The following NCAM1 variants were observed in gnomAD, a reference collection of about 807,000 sequenced individuals.
NCAM1 encodes the protein neural cell adhesion molecule 1.
A neutral mutation model predicts 109.8 loss-of-function variants in NCAM1; 14 were observed. The ratio of observed to expected loss-of-function variants is 0.13; its 90% confidence interval spans 0.08 to 0.20. The LOEUF (loss-of-function observed/expected upper bound fraction) is 0.20. Among genes scored for constraint, NCAM1 ranks in the 10% least tolerant of loss-of-function variants. NCAM1 has a pLI of 1.00. For synonymous variants in NCAM1, 418 were observed against 442.9 expected, an observed-to-expected ratio of 0.94 and a Z score of 0.70; for missense variants, 774 against 1,109.9, an observed-to-expected ratio of 0.70 and a Z score of 4.30.
At chr11:113,263,475 G>C in intron 17 of NCAM1, 3 of 985,840 alleles carry the variant, frequency 3.0e-6, no homozygotes, top group Non-Finnish European at 3.6e-6. Context: ...TGACATGATG[G>C]GCAACTGAAG....
At chr11:113,130,911 G>A (rs1206786490) in intron 1 of NCAM1, 1 of 152,210 alleles carries the variant, frequency 6.6e-6, no homozygotes, top group Non-Finnish European at 1.5e-5. Context: ...TATTGTTGCA[G>A]TCCTTCGTCG....
Position 113,017,635 on chromosome 11 carries a change from TTG to T in NCAM1, c.52+55995_52+55996del, listed in dbSNP as rs71698389. On this transcript the variant is annotated intron_variant, in intron 1 of 19. Coordinates refer to ENST00000316851, the MANE Select transcript of NCAM1 (RefSeq NM_181351.5). The stretch of plus-strand genomic sequence containing the variant: ...AATAAAGTCAGCCATCAGTACTGTT[TTG>T]TGTGTGTGTGTGTGTGTGTGTGTAT... Among the ~76,000 whole-genome samples, 26 of 145,214 alleles carry T rather than the reference TTG, an allele frequency of 1.8e-4. 1 individual carries two copies. The highest frequency in any genetic ancestry group is 3.8e-4 in the African/African-American group (15 of 39,710).
In NCAM1 at chr11:113,270,405, G is replaced by A; in HGVS notation, c.2339+10G>A. On this transcript the variant is annotated intron_variant, in intron 18 of 19. Coordinates refer to ENST00000316851, the MANE Select transcript of NCAM1 (RefSeq NM_181351.5). ...GCAAGGCCGCCTTCTCGTGAGTGCA[G>A]ACCTGTCCACCTTGCTGAGGTTTGG... 2 of 1,613,784 alleles carry A rather than the reference G, an allele frequency of 1.2e-6. No homozygotes were observed. Among genetic ancestry groups the A allele is most frequent in the East Asian group, 2.2e-5 (1 of 44,870 alleles).
intron 1 of NCAM1, among the ~76,000 whole-genome samples, chr11:113,026,736 C>T (rs1250843904): frequency 6.6e-6 from 1 of 152,110 alleles, no homozygotes; most frequent in African/African-American, 2.4e-5. Context: ...TCTTTAAGAT[C>T]GTAGTAGTAA....
intron 1 of NCAM1, among the ~76,000 whole-genome samples, chr11:113,189,047 T>C (rs1416375799): frequency 6.6e-6 from 1 of 152,154 alleles, no homozygotes; most frequent in African/African-American, 2.4e-5. Context: ...TCCGTAGGCT[T>C]TTCCCTTTCA....
intron 1 of NCAM1, among the ~76,000 whole-genome samples, chr11:113,192,326 C>T (rs1555110032): frequency 6.6e-6 from 1 of 152,184 alleles, no homozygotes; most frequent in African/African-American, 2.4e-5. Flanking sequence ...GAGTTCCAAA[C>T]ATCAATTTGC....
chr11:113,076,123 G>A (rs1325111596), intron 1 of NCAM1, among the ~76,000 whole-genome samples: 1 of 152,180 alleles, frequency 6.6e-6, no homozygotes, highest in East Asian at 1.9e-4. Context: ...TGGGGTTCTG[G>A]CATGGCTAGG....
At chr11:112,996,230 T>C (rs1178071572) in intron 1 of NCAM1, among the ~76,000 whole-genome samples, 1 of 152,216 alleles carries the variant, frequency 6.6e-6, no homozygotes, top group Non-Finnish European at 1.5e-5. Context: ...CATTATTTTA[T>C]ATATGGTTTA....
chr11:113,114,405 G>T lies in NCAM1; in HGVS notation c.53-87974G>T, dbSNP rs141755004. Among the ~76,000 whole-genome samples, 379 of 152,306 alleles carry T rather than the reference G, an allele frequency of 2.5e-3. 2 individuals are homozygous for T. The highest frequency in any genetic ancestry group is 3.0e-3 in the Non-Finnish European group (205 of 68,034). The stretch of plus-strand genomic sequence containing the variant: ...AGCTCTAGAAGATGTTGCTCCTAGG[G>T]CATGGGGCTTCTCTGCCTAAGAAGC... On this transcript the variant is annotated intron_variant, in intron 1 of 19. Transcript: ENST00000316851.
chr11:113,073,544 C>T (rs1439963664), intron 1 of NCAM1, among the ~76,000 whole-genome samples: 1 of 152,124 alleles, frequency 6.6e-6, no homozygotes, highest in African/African-American at 2.4e-5. Flanking sequence ...GCATGGCATT[C>T]GACTTACTGG....
In NCAM1 at chr11:113,132,604, ATGTGTGTGTGTGTGTGTGTG is replaced by A. The variant is rs71060290; in HGVS notation, c.53-69747_53-69728del. On this transcript the variant is annotated intron_variant, in intron 1 of 19. Transcript: ENST00000316851. ...TGGGATCAGGCATATATTAGGAAGCATGTGTGTGTGTGTGTGTGTGTGTGTGTGTGTGTGTGTGTGTGTGT... is the reference window on the plus strand; with the variant it reads ...TGGGATCAGGCATATATTAGGAAGCATGTGTGTGTGTGTGTGTGTGTGTGT... 9.0e-3 allele frequency among the ~76,000 whole-genome samples: 1,172 copies of A among 130,314 alleles called. 9 individuals are homozygous for A. Among genetic ancestry groups the A allele is most frequent in the African/African-American group, 0.031 (998 of 32,128 alleles). 85.5% of individuals were successfully genotyped at this position (130,314 alleles called of 152,430 possible).
intron 1 of NCAM1, among the ~76,000 whole-genome samples, chr11:113,067,610 A>G (rs1419814290): frequency 6.6e-6 from 1 of 152,220 alleles, no homozygotes; most frequent in Non-Finnish European, 1.5e-5. Context: ...ATTGTGATGC[A>G]ACTAGCTCAC....
At chr11:113,000,208 A>G (rs1418092956) in intron 1 of NCAM1, among the ~76,000 whole-genome samples, 1 of 152,194 alleles carries the variant, frequency 6.6e-6, no homozygotes, top group African/African-American at 2.4e-5. Flanking sequence ...ATAACCAGCC[A>G]TTAACTAGGT....
intron 1 of NCAM1, among the ~76,000 whole-genome samples, chr11:112,988,153 A>G (rs1230730343): frequency 2.0e-5 from 3 of 152,176 alleles, no homozygotes; most frequent in African/African-American, 7.2e-5. Context: ...CTTTGATTGC[A>G]CACAAAACCT....
At chr11:113,232,639 C>T (rs1555117514) in intron 11 of NCAM1, 79 bp from the exon 12 acceptor site, 4 of 1,177,970 alleles carry the variant, frequency 3.4e-6, no homozygotes, top group Non-Finnish European at 5.1e-6. Flanking sequence ...TTTTTACTAA[C>T]TTAATTCAGT....
chr11:112,990,841 G>C (rs1951441217), intron 1 of NCAM1, among the ~76,000 whole-genome samples: 1 of 152,100 alleles, frequency 6.6e-6, no homozygotes, highest in African/African-American at 2.4e-5. Context: ...CCTATCAAAA[G>C]GTTCTCCTAG....
At chr11:113,202,963 A>C (rs1397626572) in intron 2 of NCAM1, among the ~76,000 whole-genome samples, 1 of 152,210 alleles carries the variant, frequency 6.6e-6, no homozygotes, top group Non-Finnish European at 1.5e-5. Flanking sequence ...GTCTATTGTG[A>C]ATATCGATAT....
chr11:113,068,644 T>A (rs933390938), intron 1 of NCAM1, among the ~76,000 whole-genome samples: 11 of 152,216 alleles, frequency 7.2e-5, no homozygotes, highest in African/African-American at 2.2e-4. Context: ...CTATCTCTAG[T>A]GCAAATGCCA....
intron 15 of NCAM1, among the ~76,000 whole-genome samples, chr11:113,254,617 G>A (rs1029776239): frequency 4.6e-5 from 7 of 152,134 alleles, no homozygotes; most frequent in Non-Finnish European, 8.8e-5. Flanking sequence ...CGTGACTCTC[G>A]CTGTGCCTGC....
Sources: allele counts gnomAD v4.1 joint callset (sites outside exome capture counted in the v4.1 genomes callset), GRCh38; gene constraint gnomAD v4.1.1; transcripts MANE v1.5; gene names NCBI Gene and HGNC (gene_info 2026-07-23, HGNC 2026-07-21).